Variants in FKBP6 observed in about 807,000 individuals in gnomAD.
FKBP6 encodes FKBP prolyl isomerase family member 6 (inactive), also known as inactive peptidyl-prolyl cis-trans isomerase FKBP6.
A neutral mutation model predicts 41.7 loss-of-function variants in FKBP6; 29 were observed. That is an observed-to-expected ratio of 0.70 (90% CI 0.52 to 0.95). The LOEUF is 0.95. Ranked by LOEUF, FKBP6 falls within the 40% of genes least tolerant of loss-of-function variation. The pLI, the probability that FKBP6 is intolerant of heterozygous loss-of-function variation, is 0.00. For synonymous variants in FKBP6, 130 were observed against 165.1 expected, an observed-to-expected ratio of 0.79 and a Z score of 1.63; for missense variants, 338 against 408.7, an observed-to-expected ratio of 0.83 and a Z score of 1.49.
chr7:73,331,993 A>C (rs1276688442), intron 5 of FKBP6, among the ~76,000 whole-genome samples: 3 of 151,774 alleles, frequency 2.0e-5, no homozygotes, highest in Non-Finnish European at 4.4e-5. Context: ...CCTTCCAAGT[A>C]GCTGGGACTA....
chr7:73,355,994 A>G (rs1805620153), intron 8 of FKBP6, among the ~76,000 whole-genome samples: 1 of 135,494 alleles, frequency 7.4e-6, no homozygotes, highest in South Asian at 2.5e-4. Context: ...TGAACCCGGG[A>G]GGCGGAGCTT....
At position 73,330,139 on chromosome 7, in the gene FKBP6, C is replaced by T. The variant is rs1804789324; in HGVS notation, c.266-11C>T. The T allele has an allele frequency of 6.2e-7, 1 of 1,608,296 alleles. No homozygotes were observed. The highest frequency in any genetic ancestry group is 1.7e-5 in the Admixed American group (1 of 59,982). The stretch of plus-strand genomic sequence containing the variant: ...GCAAGCTTCACCCACCTTCTTTGTC[C>T]ATTCTTACAGATATTACACTGTGGG... On this transcript the variant is annotated splice_polypyrimidine_tract_variant and intron_variant, in intron 3 of 8. Transcript: ENST00000252037.
chr7:73,330,755 G>A (rs1554547555), intron 4 of FKBP6, among the ~76,000 whole-genome samples: 2 of 152,196 alleles, frequency 1.3e-5, no homozygotes, highest in Admixed American at 6.5e-5. Context: ...AAAAGGGGCT[G>A]TTCACTGGAG....
intron 8 of FKBP6, among the ~76,000 whole-genome samples, chr7:73,348,451 A>G (rs1554550630): frequency 6.6e-6 from 1 of 152,198 alleles, no homozygotes; most frequent in African/African-American, 2.4e-5. Context: ...AGGGAAGCCT[A>G]TTTCCTTCTA....
chr7:73,347,663 G>A (rs184780718), intron 8 of FKBP6, among the ~76,000 whole-genome samples: 5 of 152,148 alleles, frequency 3.3e-5, no homozygotes, highest in Non-Finnish European at 5.9e-5. Flanking sequence ...TTTGTTTTTA[G>A]AGACAGAGTC....
intron 8 of FKBP6, among the ~76,000 whole-genome samples, chr7:73,343,655 T>A (rs554881200): frequency 6.6e-6 from 1 of 152,238 alleles, no homozygotes; most frequent in African/African-American, 2.4e-5. Context: ...ACCTAGTAAT[T>A]TTGCAGGCAC....
chr7:73,357,723 G>A (rs1213524009), intron 8 of FKBP6, among the ~76,000 whole-genome samples: 2 of 151,936 alleles, frequency 1.3e-5, no homozygotes, highest in East Asian at 1.9e-4. Flanking sequence ...GGTAGCTCAC[G>A]CCTGTAATCC....
intron 7 of FKBP6, among the ~76,000 whole-genome samples, chr7:73,341,627 G>A (rs1168258499): frequency 1.9e-5 from 2 of 104,962 alleles, no homozygotes; most frequent in South Asian, 3.6e-4. Flanking sequence ...TTCCCCTACC[G>A]CAAATAAACA....
Position 73,328,448 on chromosome 7 carries a change from A to C in FKBP6, c.20A>C (p.Asn7Thr). 4 of 1,553,840 alleles carry C rather than the reference A, an allele frequency of 2.6e-6. No homozygotes were observed. Among genetic ancestry groups the C allele is most frequent in the Non-Finnish European group, 3.5e-6 (4 of 1,148,900 alleles). The change falls in exon 1 of 9, where the codon AAC (asparagine) becomes ACC (threonine). Residue 7 changes from asparagine to threonine, a missense_variant. This residue lies in a region of FKBP6 where 99 missense variants were observed against 158.6 expected (regional missense o/e 0.62). Transcript: ENST00000252037. The part of the protein sequence containing the change: MGGSAL[N>T]QGVLEGDDAP... ...TAGGACATGGGGGGAAGCGCGTTAA[A>C]CCAGGGAGTCCTGGAAGGGGACGAC...
At chr7:73,329,983 T>G in intron 3 of FKBP6, 167 bp from the exon 4 acceptor site, 1 of 671,342 alleles carries the variant, frequency 1.5e-6, no homozygotes, top group Non-Finnish European at 2.7e-6. Context: ...AAAATTTATA[T>G]CAGTAGAAGC....
At chr7:73,329,998 C>T (rs1804785745) in intron 3 of FKBP6, 152 bp from the exon 4 acceptor site, 1 of 703,506 alleles carries the variant, frequency 1.4e-6, no homozygotes, top group African/African-American at 1.8e-5. Context: ...AGAAGCTGGG[C>T]ACAGGCTCAG....
At position 73,342,850 on chromosome 7, in the gene FKBP6, C is replaced by A; in HGVS notation, c.937C>A (p.Arg313Ser). Residue 313 changes from arginine (R) to serine (S), a missense_variant, in exon 8 of 9, where the codon CGC becomes AGC. Physicochemically the swap from Arg to Ser is moderately radical, Grantham distance 110 (BLOSUM62 -1). Transcript: ENST00000252037. ...YVDKEKEMWH[R>S]MFAPCGDGST... is the part of the protein sequence containing the mutation. The stretch of plus-strand genomic sequence containing the variant: ...GGATAAAGAGAAAGAAATGTGGCAC[C>A]GCATGTTCGCGCCCTGTGGCGATGG... The A allele has an allele frequency of 1.9e-6, 3 of 1,614,052 alleles. No individual in the cohort carries two copies. Among genetic ancestry groups the A allele is most frequent in the Middle Eastern group, 1.7e-4 (1 of 6,060 alleles).
At chr7:73,332,344 G>A (rs553854009) in intron 5 of FKBP6, among the ~76,000 whole-genome samples, 33 of 152,022 alleles carry the variant, frequency 2.2e-4, no homozygotes, top group African/African-American at 7.2e-4. Flanking sequence ...TTAGCCGGGC[G>A]TGGTGGTGGG....
chr7:73,349,712 CAAAAA>C (rs1213747722), intron 8 of FKBP6, among the ~76,000 whole-genome samples: 4 of 27,852 alleles, frequency 1.4e-4, no homozygotes, highest in Admixed American at 3.2e-4. Flanking sequence ...GACTCCGTCT[CAAAAA>C]AAAAAAAAAA....
intron 2 of FKBP6, 83 bp from the exon 3 acceptor site, chr7:73,329,277 T>G (rs1804751151): frequency 4.8e-6 from 4 of 839,956 alleles, no homozygotes; most frequent in Non-Finnish European, 8.5e-6. Flanking sequence ...TCACATTGTT[T>G]CTGTGTGATC....
Position 73,358,289 on chromosome 7 carries a change from G to A in FKBP6, c.*111G>A, listed in dbSNP as rs1805692768. 6.6e-6 allele frequency: 1 copy of A among 152,156 alleles called. No individual in the cohort carries two copies. The highest frequency in any genetic ancestry group is 1.5e-5 in the Non-Finnish European group (1 of 68,042). 9.4% of individuals were successfully genotyped at this position (152,156 alleles called of 1,614,324 possible). On this transcript the variant is annotated 3_prime_UTR_variant, in exon 9 of 9. Coordinates refer to ENST00000252037, the MANE Select transcript of FKBP6 (RefSeq NM_003602.5). ...AGCCACCTTCCAGGAGCAGGGGCTGGAATGTCCTGTGGCCGCATCTCTCAT... is the reference window on the plus strand; with the variant it reads ...AGCCACCTTCCAGGAGCAGGGGCTGAAATGTCCTGTGGCCGCATCTCTCAT...
At chr7:73,329,591 T>G in intron 3 of FKBP6, 142 bp downstream of exon 3, 1 of 720,934 alleles carries the variant, frequency 1.4e-6, no homozygotes, top group Non-Finnish European at 2.6e-6. Context: ...CACAGCCATG[T>G]TCTCTCCCCT....
intron 8 of FKBP6, among the ~76,000 whole-genome samples, chr7:73,348,130 C>A (rs573456178): frequency 6.6e-6 from 1 of 151,692 alleles, no homozygotes; most frequent in Admixed American, 6.6e-5. Flanking sequence ...TTATGGGACA[C>A]CTATTGACTG....
At chr7:73,341,529 C>G in intron 7 of FKBP6, 147 bp downstream of exon 7, 1 of 685,700 alleles carries the variant, frequency 1.5e-6, no homozygotes, top group Non-Finnish European at 2.6e-6. Context: ...TTCTGAAGTG[C>G]TCGGCCGTGC....
Sources: allele counts gnomAD v4.1 joint callset (sites outside exome capture counted in the v4.1 genomes callset), GRCh38; gene constraint gnomAD v4.1.1; regional missense constraint gnomAD v4.1.1; transcripts MANE v1.5; gene names NCBI Gene and HGNC (gene_info 2026-07-23, HGNC 2026-07-21).